Variants in SP110 observed in about 807,000 individuals in gnomAD.
SP110 encodes the protein interferon-induced protein 41, 30kD.
Under a neutral mutation model 92.7 loss-of-function variants are expected in SP110, and 62 were observed. The observed-to-expected ratio is 0.67, with a 90% CI of 0.55 to 0.83. The LOEUF is 0.83. Ranked by LOEUF, SP110 falls within the 40% of genes least tolerant of loss-of-function variation. The pLI is 0.00. For synonymous variants in SP110, 273 were observed against 305.3 expected, an observed-to-expected ratio of 0.89 and a Z score of 1.10; for missense variants, 793 against 863.9, an observed-to-expected ratio of 0.92 and a Z score of 1.03.
chr2:230,185,978 C>A lies in SP110; in HGVS notation c.1279+16G>T. ...CATTGAGCTATTCAAATAGCAGATT[C>A]CATCATTAGCCTTACCTTTCAATCT... On this transcript the variant is annotated intron_variant, in intron 11 of 18. Transcript: ENST00000258381. 1.9e-6 allele frequency: 3 copies of A among 1,612,910 alleles called. No individual in the cohort carries two copies. The highest frequency in any genetic ancestry group is 1.7e-6 in the Non-Finnish European group (2 of 1,178,874).
intron 14 of SP110, 71 bp from the exon 15 acceptor site, chr2:230,173,030 AGAACACAT>A: frequency 9.8e-7 from 1 of 1,018,518 alleles, no homozygotes. Context: ...GTGGGGTTCT[AGAACACAT>A]CATTTTTGTG....
intron 8 of SP110, among the ~76,000 whole-genome samples, chr2:230,205,097 AT>A (rs2148877026): frequency 6.6e-6 from 1 of 152,348 alleles, no homozygotes; most frequent in African/African-American, 2.4e-5. Context: ...AAGCATGGAA[AT>A]AAACTAATTA....
At position 230,215,075 on chromosome 2, in the gene SP110, A is replaced by C; in HGVS notation, c.191T>G (p.Val64Gly). 1 of 1,613,852 alleles carries C rather than the reference A, an allele frequency of 6.2e-7. No individual in the cohort carries two copies. The highest frequency in any genetic ancestry group is 1.3e-5 in the African/African-American group (1 of 75,030). ...ACRNLIPVSR[V>G]VHNILTQLER... ...CAGTTGGGTGAGAATGTTGTGCACC[A>C]CTCTGGATACAGGGATCAAATTTCT... Residue 64 changes from valine (V) to glycine (G), a missense_variant, in exon 3 of 19, where the codon GTG becomes GGG. Transcript: ENST00000258381.
intron 15 of SP110, chr2:230,172,495 C>T: frequency 7.5e-6 from 4 of 534,610 alleles, no homozygotes; most frequent in Non-Finnish European, 1.4e-5. Context: ...CCTGCAGGGA[C>T]CTCAGGCCTC....
intron 14 of SP110, chr2:230,173,360 G>A: frequency 3.5e-6 from 1 of 288,522 alleles, no homozygotes; most frequent in East Asian, 8.3e-5. Flanking sequence ...GGGTGCAGGA[G>A]TATGGGAACT....
At chr2:230,196,074 C>T (rs1259269902) in intron 10 of SP110, among the ~76,000 whole-genome samples, 1 of 152,038 alleles carries the variant, frequency 6.6e-6, no homozygotes, top group African/African-American at 2.4e-5. Context: ...TTATTACATC[C>T]AGCATTGAGG....
chr2:230,220,154 G>C (rs547788121), upstream of SP110: 1 of 869,408 alleles, frequency 1.2e-6, no homozygotes, highest in East Asian at 1.2e-4. Flanking sequence ...GTTTGGGGGA[G>C]GGCGTGTTGC....
At position 230,169,144 on chromosome 2, in the gene SP110, C is replaced by A; in HGVS notation, c.2122G>T (p.Gly708Cys). ...VLGFHEANDGGFWTLP is the reference protein window; with the variant it reads ...VLGFHEANDGCFWTLP ...CAGGGTCAAGGAAGAGTCCAGAAAC[C>A]GCCGTCATTGGCTTCATGAAAACCG... The change falls in exon 19 of 19, where the codon GGT becomes TGT. Residue 708 changes from glycine to cysteine, a missense_variant. Physicochemically the swap from Gly to Cys is radical, Grantham distance 159. Transcript: ENST00000258381. 6.2e-7 allele frequency: 1 copy of A among 1,612,524 alleles called. No homozygotes were observed.
chr2:230,183,913 T>C (rs965147508), intron 11 of SP110, among the ~76,000 whole-genome samples: 4 of 152,222 alleles, frequency 2.6e-5, no homozygotes, highest in African/African-American at 7.2e-5. Context: ...AATAAAGGGA[T>C]GTACAGGAGT....
upstream of SP110, among the ~76,000 whole-genome samples, chr2:230,224,048 G>A (rs1336962841): frequency 6.6e-6 from 1 of 152,204 alleles, no homozygotes; most frequent in Non-Finnish European, 1.5e-5. Flanking sequence ...TCTGTAGTGA[G>A]CATAGGGAAA....
Position 230,216,888 on chromosome 2 carries a change from G to A in SP110, c.40C>T (p.Gln14Ter). 1 of 1,613,974 alleles carries A rather than the reference G, an allele frequency of 6.2e-7. No homozygotes were observed. Among genetic ancestry groups the A allele is most frequent in the Non-Finnish European group, 8.5e-7 (1 of 1,179,930 alleles). ...CCCAGCTTCTGGTGCATGAAGTGCT[G>A]AAAAAGAGCCTCTTCCATGGCTCTT... ...MTRAMEEALFQHFMHQKLGIA... is the reference protein window; with the variant it reads ...MTRAMEEALF Residue 14 changes from glutamine (Q) to a stop codon, truncating the protein, a stop_gained, in exon 2 of 19, where the codon CAG (glutamine) becomes TAG (stop). Coordinates refer to ENST00000258381, the MANE Select transcript of SP110 (RefSeq NM_080424.4). LOFTEE classifies it high-confidence loss of function.
At chr2:230,184,135 T>G (rs2042251379) in intron 11 of SP110, among the ~76,000 whole-genome samples, 1 of 152,224 alleles carries the variant, frequency 6.6e-6, no homozygotes, top group Non-Finnish European at 1.5e-5. Flanking sequence ...GGTGCAAGAC[T>G]TTGTCACGCT....
intron 10 of SP110, among the ~76,000 whole-genome samples, chr2:230,197,026 A>G (rs868308690): frequency 6.4e-4 from 97 of 152,360 alleles, no homozygotes; most frequent in Non-Finnish European, 1.2e-3. Context: ...TCTTTATAGC[A>G]GCATGATTTA....
intron 12 of SP110, among the ~76,000 whole-genome samples, chr2:230,178,552 C>G (rs2041973306): frequency 6.6e-6 from 1 of 151,876 alleles, no homozygotes. Flanking sequence ...GAATAGTCTT[C>G]TATTCTATAA....
At chr2:230,191,711 G>T (rs1293557876) in intron 10 of SP110, among the ~76,000 whole-genome samples, 2 of 152,106 alleles carry the variant, frequency 1.3e-5, no homozygotes, top group African/African-American at 4.8e-5. Context: ...ATACAAAGAG[G>T]AGCTGGTACC....
chr2:230,218,357 A>C (rs1267194049), intron 1 of SP110, among the ~76,000 whole-genome samples: 1 of 152,232 alleles, frequency 6.6e-6, no homozygotes, highest in Non-Finnish European at 1.5e-5. Context: ...ACTCATGAAA[A>C]GAATAATCCG....
chr2:230,200,803 G>A, intron 10 of SP110, 82 bp downstream of exon 10: 1 of 1,111,342 alleles, frequency 9.0e-7, no homozygotes, highest in South Asian at 1.2e-5. Flanking sequence ...AAAAAGTTAA[G>A]AAATATTGCC....
At chr2:230,188,044 G>C (rs911736068) in intron 10 of SP110, among the ~76,000 whole-genome samples, 1 of 152,012 alleles carries the variant, frequency 6.6e-6, no homozygotes, top group East Asian at 1.9e-4. Context: ...GTTGATATTT[G>C]ATAAGAATTG....
At position 230,212,971 on chromosome 2, in the gene SP110, T is replaced by C. The variant is rs1291674279; in HGVS notation, c.373A>G (p.Thr125Ala). Residue 125 changes from threonine to alanine, a missense_variant, in exon 4 of 19, where the codon ACT becomes GCT. Physicochemically the swap from Thr to Ala is moderately conservative, Grantham distance 58. Transcript: ENST00000258381. ...RDTPILLEAP[T>A]GLAEGSSLHT... Reference sequence around the variant, plus strand: ...AGGGAGCTTCCTTCTGCTAGGCCAGTTGGGGCTTCAAGTAGGATTGGTGTG... The same window carrying C: ...AGGGAGCTTCCTTCTGCTAGGCCAGCTGGGGCTTCAAGTAGGATTGGTGTG... The C allele has an allele frequency of 6.2e-7, 1 of 1,614,048 alleles. No homozygotes were observed. The highest frequency in any genetic ancestry group is 8.5e-7 in the Non-Finnish European group (1 of 1,179,978).
Sources: gnomAD v4.1 joint callset for allele counts (sites outside exome capture counted in the v4.1 genomes callset) on GRCh38, gnomAD v4.1.1 for gene constraint, MANE v1.5 for transcripts, NCBI Gene and HGNC (gene_info 2026-07-23, HGNC 2026-07-21) for gene names.